Variants in DIP2C observed in about 807,000 individuals in gnomAD.
The protein encoded by DIP2C is disco-interacting protein 2 homolog C.
A neutral mutation model predicts 192.4 loss-of-function variants in DIP2C; 33 were observed. The ratio of observed to expected loss-of-function variants is 0.17; its 90% CI spans 0.13 to 0.23. DIP2C has a LOEUF of 0.23. Ranked by LOEUF, DIP2C falls within the 10% of genes least tolerant of loss-of-function variation. The pLI, the probability that DIP2C is intolerant of heterozygous loss-of-function variation, is 1.00. For synonymous variants in DIP2C, 979 were observed against 864.1 expected, an observed-to-expected ratio of 1.13 and a Z score of -2.33; for missense variants, 1,537 against 2,110.1, an observed-to-expected ratio of 0.73 and a Z score of 5.32.
At chr10:568,871 T>C (rs1814593431) in intron 1 of DIP2C, among the ~76,000 whole-genome samples, 1 of 144,368 alleles carries the variant, frequency 6.9e-6, no homozygotes, top group Non-Finnish European at 1.5e-5. Flanking sequence ...CAATGAGCCA[T>C]CTCAGAGCCG....
chr10:419,864 GCTCT>G (rs1252632865), intron 5 of DIP2C, among the ~76,000 whole-genome samples: 1 of 152,194 alleles, frequency 6.6e-6, no homozygotes, highest in African/African-American at 2.4e-5. Flanking sequence ...AGCGCGTGGA[GCTCT>G]TTCTCTTACA....
intron 9 of DIP2C, 113 bp downstream of exon 9, chr10:408,813 G>C (rs1336281507): frequency 1.1e-6 from 1 of 950,116 alleles, no homozygotes; most frequent in Non-Finnish European, 1.6e-6. Context: ...ATAAAAACTT[G>C]CTTTCCAATA....
intron 1 of DIP2C, among the ~76,000 whole-genome samples, chr10:639,837 G>A (rs1855065714): frequency 6.6e-6 from 1 of 152,206 alleles, no homozygotes; most frequent in Admixed American, 6.5e-5. Context: ...TTTGGACCAC[G>A]AAAAGAAGGA....
Position 387,819 on chromosome 10 carries a change from A to G in DIP2C, c.1598-10T>C. 6.2e-7 allele frequency: 1 copy of G among 1,614,224 alleles called. No individual in the cohort carries two copies. The highest frequency in any genetic ancestry group is 1.1e-5 in the South Asian group (1 of 91,088). The stretch of plus-strand genomic sequence containing the variant: ...TTCACAATGGTTTCAGCTGCACAAC[A>G]GAGGGAGTCAGGAGATTTTTACTTA... On this transcript the variant is annotated splice_polypyrimidine_tract_variant and intron_variant, in intron 13 of 36. Coordinates refer to ENST00000280886, the MANE Select transcript of DIP2C (RefSeq NM_014974.3).
chr10:433,816 G>A (rs1966959016), intron 4 of DIP2C, among the ~76,000 whole-genome samples: 1 of 152,100 alleles, frequency 6.6e-6, no homozygotes, highest in Non-Finnish European at 1.5e-5. Flanking sequence ...CATTTAGACT[G>A]ACATTGAAAG....
chr10:352,022 C>T (rs542635555), intron 24 of DIP2C, among the ~76,000 whole-genome samples: 14 of 152,348 alleles, frequency 9.2e-5, no homozygotes, highest in African/African-American at 2.6e-4. Flanking sequence ...GCTCAGCCCC[C>T]GCCCCGCTGA....
At chr10:494,364 C>A (rs1844662870) in intron 1 of DIP2C, among the ~76,000 whole-genome samples, 1 of 151,830 alleles carries the variant, frequency 6.6e-6, no homozygotes, top group Non-Finnish European at 1.5e-5. Context: ...GACCTCAGCA[C>A]CGGGGCCAAC....
chr10:594,441 C>T (rs960958409), intron 1 of DIP2C, among the ~76,000 whole-genome samples: 2 of 151,924 alleles, frequency 1.3e-5, no homozygotes, highest in African/African-American at 4.8e-5. Context: ...ACCATTTCAA[C>T]ATAAGGGAAC....
chr10:301,412 G>A (rs1956040559), intron 32 of DIP2C, among the ~76,000 whole-genome samples: 1 of 152,172 alleles, frequency 6.6e-6, no homozygotes, highest in Non-Finnish European at 1.5e-5. Context: ...TGGGGAAGGT[G>A]GAGGGGGTCA....
intron 1 of DIP2C, among the ~76,000 whole-genome samples, chr10:509,841 G>A (rs1029297604): frequency 1.2e-4 from 19 of 152,308 alleles, no homozygotes; most frequent in South Asian, 4.1e-4. Flanking sequence ...CAGGGCCGCC[G>A]CAGTCTCCTC....
intron 29 of DIP2C, among the ~76,000 whole-genome samples, chr10:340,178 C>CAAA (rs34140870): frequency 8.8e-6 from 1 of 114,198 alleles, no homozygotes; most frequent in African/African-American, 3.2e-5. Context: ...AAGACTGTCT[C>CAAA]AAAAAAAAAA....
At chr10:491,762 A>G (rs369273588) in intron 1 of DIP2C, among the ~76,000 whole-genome samples, 49 of 152,346 alleles carry the variant, frequency 3.2e-4, no homozygotes, top group African/African-American at 1.1e-3. Flanking sequence ...AAAAAGTTCA[A>G]CAAGCATTCA....
At chr10:606,006 T>A (rs1037243120) in intron 1 of DIP2C, among the ~76,000 whole-genome samples, 1 of 152,092 alleles carries the variant, frequency 6.6e-6, no homozygotes, top group Non-Finnish European at 1.5e-5. Context: ...CCTGTAAGAC[T>A]CTCTGCAGCC....
At chr10:372,805 C>T (rs549478563) in intron 17 of DIP2C, among the ~76,000 whole-genome samples, 131 of 151,204 alleles carry the variant, frequency 8.7e-4, no homozygotes, top group African/African-American at 1.8e-3. Context: ...GGCACACAGG[C>T]AGGCACAGAA....
chr10:327,810 G>C lies in DIP2C; in HGVS notation c.3754-634C>G, dbSNP rs946880433. On this transcript the variant is annotated intron_variant, in intron 30 of 36. Coordinates refer to ENST00000280886, the MANE Select transcript of DIP2C (RefSeq NM_014974.3). The stretch of plus-strand genomic sequence containing the variant: ...GCCAAGAATTTCTTCTCATTCTCAA[G>C]CGTGTCTGTTTCCACAGTAAGCAAA... Among the ~76,000 whole-genome samples, 7 of 152,168 alleles carry C rather than the reference G, an allele frequency of 4.6e-5. No individual in the cohort carries two copies. The East Asian group carries it at 1.2e-3, about 25-fold the overall frequency.
At chr10:341,161 G>C in intron 29 of DIP2C, 38 bp downstream of exon 29, 1 of 1,613,142 alleles carries the variant, frequency 6.2e-7, no homozygotes, top group Non-Finnish European at 8.5e-7. Flanking sequence ...GAAGGTGCAT[G>C]ATTTTTTTTA....
At chr10:650,649 A>G (rs1855822996) in intron 1 of DIP2C, 2 of 617,726 alleles carry the variant, frequency 3.2e-6, no homozygotes, top group Non-Finnish European at 5.9e-6. Context: ...CGGGGAAGCC[A>G]TTCCACAGCA....
At chr10:512,032 C>T (rs960929473) in intron 1 of DIP2C, among the ~76,000 whole-genome samples, 7 of 152,174 alleles carry the variant, frequency 4.6e-5, no homozygotes, top group South Asian at 2.1e-4. Flanking sequence ...ACACCGCACA[C>T]GTTAGGGTCG....
At chr10:367,884 G>A (rs1023111854) in intron 18 of DIP2C, among the ~76,000 whole-genome samples, 2 of 152,236 alleles carry the variant, frequency 1.3e-5, no homozygotes, top group African/African-American at 4.8e-5. Context: ...GGGGGTGCAG[G>A]CTTCTGTTCC....
Sources: allele counts gnomAD v4.1 joint callset (sites outside exome capture counted in the v4.1 genomes callset), GRCh38; gene constraint gnomAD v4.1.1; transcripts MANE v1.5; gene names NCBI Gene and HGNC (gene_info 2026-07-23, HGNC 2026-07-21).